CHLSN: variants seen among roughly 807,000 people sequenced by gnomAD.
CHLSN encodes the protein protein cholesin.
the CHLSN span, chr7:1,045,954 T>A: frequency 2.0e-5 from 3 of 152,254 alleles, no homozygotes; most frequent in Non-Finnish European, 2.9e-5. Context: ...TAGGGCAGAA[T>A]GTAAATGTGA....
chr7:1,010,863 G>A, the CHLSN span, among the ~76,000 whole-genome samples: 1 of 152,100 alleles, frequency 6.6e-6, no homozygotes, highest in African/African-American at 2.4e-5. Context: ...GTCTTTTTTG[G>A]AAAAGTCAGA....
chr7:1,013,370 T>C, the CHLSN span, among the ~76,000 whole-genome samples: 1 of 152,192 alleles, frequency 6.6e-6, no homozygotes, highest in Non-Finnish European at 1.5e-5. Flanking sequence ...CACCAAAAAA[T>C]TTTTAAAAGA....
At chr7:1,107,624 C>T in the CHLSN span, among the ~76,000 whole-genome samples, 3 of 152,252 alleles carry the variant, frequency 2.0e-5, no homozygotes, top group Non-Finnish European at 4.4e-5. Context: ...CTCTTTTTGA[C>T]AATCTTATGA....
the CHLSN span, among the ~76,000 whole-genome samples, chr7:1,101,133 G>A: frequency 5.3e-5 from 8 of 152,380 alleles, no homozygotes; most frequent in East Asian, 1.2e-3. Context: ...AGGCGTGTAC[G>A]TGCGCACACT....
chr7:984,333 G>A, the CHLSN span: 21 of 1,496,922 alleles, frequency 1.4e-5, no homozygotes, highest in African/African-American at 1.2e-4. Context: ...CCCCTACCCA[G>A]CACAGGCCCG....
the CHLSN span, among the ~76,000 whole-genome samples, chr7:1,042,550 G>C: frequency 6.6e-6 from 1 of 152,194 alleles, no homozygotes; most frequent in Non-Finnish European, 1.5e-5. Flanking sequence ...TCCCTCTGAC[G>C]ATCTCCCCAG....
the CHLSN span, among the ~76,000 whole-genome samples, chr7:1,113,591 C>T: frequency 4.6e-5 from 7 of 152,180 alleles, no homozygotes; most frequent in East Asian, 7.7e-4. Flanking sequence ...GGCAGGGACT[C>T]GGAGCTCATC....
chr7:1,011,456 G>GACACCCAGACACACCCACAC, the CHLSN span, among the ~76,000 whole-genome samples: 1 of 113,984 alleles, frequency 8.8e-6, no homozygotes, highest in Non-Finnish European at 1.8e-5. Context: ...CACGCCCACA[G>GACACCCAGACACACCCACAC]ACACCCAGAC....
At chr7:1,068,699 C>T in the CHLSN span, among the ~76,000 whole-genome samples, 4 of 152,066 alleles carry the variant, frequency 2.6e-5, no homozygotes, top group African/African-American at 4.8e-5. Flanking sequence ...TAGTCTATGA[C>T]GAAAGTTTTA....
chr7:1,124,269 C>T, the CHLSN span, among the ~76,000 whole-genome samples: 3 of 151,980 alleles, frequency 2.0e-5, no homozygotes, highest in Admixed American at 6.6e-5. Flanking sequence ...CACCGTAAGC[C>T]GAGCTGTCTT....
chr7:1,069,524 TG>T, the CHLSN span, among the ~76,000 whole-genome samples: 174 of 140,958 alleles, frequency 1.2e-3, 1 homozygote, highest in Admixed American at 3.6e-3. Context: ...CACGCCTGAC[TG>T]GTTTTGGTGG....
the CHLSN span, among the ~76,000 whole-genome samples, chr7:1,012,328 G>A: frequency 6.6e-6 from 1 of 152,258 alleles, no homozygotes; most frequent in South Asian, 2.1e-4. Context: ...TGAGGACGGG[G>A]CCAAGGCTGT....
chr7:1,101,508 G>C, the CHLSN span, among the ~76,000 whole-genome samples: 2 of 152,214 alleles, frequency 1.3e-5, no homozygotes, highest in Admixed American at 6.5e-5. Flanking sequence ...CTTACACAGA[G>C]CCCCTTCCTT....
At chr7:1,136,619 T>C in the CHLSN span, among the ~76,000 whole-genome samples, 1 of 144,566 alleles carries the variant, frequency 6.9e-6, no homozygotes, top group Non-Finnish European at 1.5e-5. Flanking sequence ...TATATAAATA[T>C]ATAAAAATAA....
chr7:1,060,681 C>T, the CHLSN span, among the ~76,000 whole-genome samples: 1 of 152,230 alleles, frequency 6.6e-6, no homozygotes, highest in African/African-American at 2.4e-5. Flanking sequence ...GCGGGACAGG[C>T]TCCTAAGCCG....
the CHLSN span, among the ~76,000 whole-genome samples, chr7:1,123,148 G>T: frequency 6.6e-6 from 1 of 152,228 alleles, no homozygotes; most frequent in Non-Finnish European, 1.5e-5. The surrounding 1 kb of genome is among the most constrained non-coding windows in gnomAD (Gnocchi z 4.4). Context: ...GAGGCACCAG[G>T]GACTGAAGCC....
At chr7:1,000,095 G>A in the CHLSN span, among the ~76,000 whole-genome samples, 1 of 152,240 alleles carries the variant, frequency 6.6e-6, no homozygotes, top group African/African-American at 2.4e-5. Flanking sequence ...CTGCCCTGAA[G>A]GCCGGCGGCA....
At chr7:979,490 A>G in the CHLSN span, among the ~76,000 whole-genome samples, 2 of 151,990 alleles carry the variant, frequency 1.3e-5, no homozygotes, top group African/African-American at 4.8e-5. Context: ...GGTGGCTCAC[A>G]CCTATAATCC....
At chr7:984,421 C>T in the CHLSN span, 69 of 1,547,782 alleles carry the variant, frequency 4.5e-5, no homozygotes, top group Non-Finnish European at 5.6e-5. Flanking sequence ...GCTCTCAGAA[C>T]GCTACGGGCC....
Sources: gnomAD v4.1 joint callset for allele counts (sites outside exome capture counted in the v4.1 genomes callset) on GRCh38, gnomAD v4.1.1 for gene constraint, Gnocchi (gnomAD v3.1) non-coding constraint, MANE v1.5 for transcripts, NCBI Gene and HGNC (gene_info 2026-07-23, HGNC 2026-07-21) for gene names.